The following CDYL2 variants were observed in gnomAD, a reference collection of about 807,000 sequenced individuals.
The protein encoded by CDYL2 is chromodomain Y-like protein 2.
In CDYL2, 23 loss-of-function variants were observed where a neutral mutation model predicts 49.4. The observed-to-expected ratio is 0.47, with a 90% CI of 0.34 to 0.66. The LOEUF is 0.66. Among genes scored for constraint, CDYL2 ranks in the 30% least tolerant of loss-of-function variants. The pLI is 0.01. For missense variants in CDYL2, 678 were observed against 656.4 expected (o/e 1.03, Z -0.36); for synonymous variants, 360 against 268.8 (o/e 1.34, Z -3.32).
rs185012695 is a variant in CDYL2 at position 80,762,078 on chromosome 16, C to T, written c.24+42072G>A. ...GTACACAACAGTAGTCCCAGGTACT[C>T]GGGAGGCTGAGGCAGGAGGATCACT... On this transcript the variant is annotated intron_variant, in intron 1 of 6. Coordinates refer to ENST00000570137, the MANE Select transcript of CDYL2 (RefSeq NM_152342.4). Among the ~76,000 whole-genome samples, 116 of 151,850 alleles carry T rather than the reference C, an allele frequency of 7.6e-4. 2 individuals are homozygous for T. Among genetic ancestry groups the T allele is most frequent in the South Asian group, 1.7e-3 (8 of 4,790 alleles).
intron 1 of CDYL2, among the ~76,000 whole-genome samples, chr16:80,725,340 T>A (rs556642683): frequency 6.6e-6 from 1 of 152,306 alleles, no homozygotes; most frequent in African/African-American, 2.4e-5. Flanking sequence ...ATTTGAGCAC[T>A]CTTTTCTATC....
At chr16:80,684,009 G>A (rs917064635) in intron 2 of CDYL2, among the ~76,000 whole-genome samples, 8 of 152,226 alleles carry the variant, frequency 5.3e-5, no homozygotes, top group African/African-American at 1.9e-4. Flanking sequence ...ATAGCAGAAG[G>A]ACAAGAGGCT....
intron 2 of CDYL2, among the ~76,000 whole-genome samples, chr16:80,651,711 T>C (rs935131692): frequency 1.3e-5 from 2 of 152,176 alleles, no homozygotes; most frequent in South Asian, 2.1e-4. Context: ...TACGGAAATA[T>C]GGTGCCGACA....
rs367917372 is a variant in CDYL2, at chr16:80,764,807, T to A, written c.24+39343A>T. Among the ~76,000 whole-genome samples, 67 of 152,110 alleles carry A rather than the reference T, an allele frequency of 4.4e-4. No homozygotes were observed. The Middle Eastern group carries it at 0.01, about 23-fold the overall frequency. ...TAGGCGCGGTGGCTCAAGCCTGTAA[T>A]CCCAGCACTTTGTGAGGCCGAGGCA... On this transcript the variant is annotated intron_variant, in intron 1 of 6. Transcript: ENST00000570137.
chr16:80,642,240 C>T lies in CDYL2; in HGVS notation c.617-9004G>A, dbSNP rs553702120. Among the ~76,000 whole-genome samples, 15 of 152,116 alleles carry T rather than the reference C, an allele frequency of 9.9e-5. 1 individual carries two copies. Among genetic ancestry groups the T allele is most frequent in the African/African-American group, 2.4e-4 (10 of 41,478 alleles). On this transcript the variant is annotated intron_variant, in intron 2 of 6. Coordinates refer to ENST00000570137, the MANE Select transcript of CDYL2 (RefSeq NM_152342.4). The stretch of plus-strand genomic sequence containing the variant: ...GGTGCTTCACTTGAGGTCAGGAGTT[C>T]GTGACCAGACTGGCCAAAGTGATGA...
At chr16:80,715,180 C>T (rs969576906) in intron 1 of CDYL2, among the ~76,000 whole-genome samples, 2 of 152,126 alleles carry the variant, frequency 1.3e-5, no homozygotes, top group African/African-American at 4.8e-5. Context: ...CCATGTGGGT[C>T]AGGTCAGCAA....
chr16:80,764,856 C>G (rs758903946), intron 1 of CDYL2, among the ~76,000 whole-genome samples: 2 of 151,646 alleles, frequency 1.3e-5, no homozygotes, highest in Non-Finnish European at 2.9e-5. Context: ...GTCAGGAGAT[C>G]AAGACCATTC....
At chr16:80,738,495 A>G (rs1358646707) in intron 1 of CDYL2, among the ~76,000 whole-genome samples, 1 of 152,204 alleles carries the variant, frequency 6.6e-6, no homozygotes, top group African/African-American at 2.4e-5. Context: ...ATGCTAAGTG[A>G]AAAAAGCCAG....
chr16:80,734,087 G>A (rs1421528238), intron 1 of CDYL2, among the ~76,000 whole-genome samples: 2 of 152,106 alleles, frequency 1.3e-5, no homozygotes, highest in Non-Finnish European at 2.9e-5. Flanking sequence ...GTAATACCAA[G>A]ACCCCATACT....
intron 1 of CDYL2, among the ~76,000 whole-genome samples, chr16:80,707,541 C>A (rs1904447870): frequency 6.6e-6 from 1 of 152,150 alleles, no homozygotes; most frequent in Non-Finnish European, 1.5e-5. Context: ...CAGAGGGCTC[C>A]TTCTGGTTCG....
intron 1 of CDYL2, among the ~76,000 whole-genome samples, chr16:80,731,355 T>G (rs372606443): frequency 1.3e-5 from 2 of 151,984 alleles, no homozygotes; most frequent in African/African-American, 2.4e-5. Context: ...GCAAGAAATT[T>G]AGAGGACCAA....
At chr16:80,673,060 G>A (rs1172479432) in intron 2 of CDYL2, among the ~76,000 whole-genome samples, 1 of 152,196 alleles carries the variant, frequency 6.6e-6, no homozygotes, top group Non-Finnish European at 1.5e-5. Flanking sequence ...GCTCATGCCT[G>A]TAATCCCAGC....
intron 4 of CDYL2, among the ~76,000 whole-genome samples, chr16:80,615,293 T>C (rs1906779272): frequency 6.6e-6 from 1 of 152,172 alleles, no homozygotes; most frequent in Admixed American, 6.5e-5. Flanking sequence ...TGAAAGCAAT[T>C]TGGGGTCTGC....
chr16:80,707,143 TA>T (rs1475011343), intron 1 of CDYL2, among the ~76,000 whole-genome samples: 1 of 152,064 alleles, frequency 6.6e-6, no homozygotes, highest in Non-Finnish European at 1.5e-5. Context: ...CATTTCATGC[TA>T]AAAAAAGAAA....
intron 1 of CDYL2, among the ~76,000 whole-genome samples, chr16:80,773,382 G>C (rs547066072): frequency 1.1e-3 from 162 of 152,254 alleles, no homozygotes; most frequent in African/African-American, 3.5e-3. Context: ...AATCGGAACA[G>C]AGATTTTTCA....
At chr16:80,767,512 T>C (rs1247563254) in intron 1 of CDYL2, among the ~76,000 whole-genome samples, 2 of 152,174 alleles carry the variant, frequency 1.3e-5, no homozygotes, top group African/African-American at 2.4e-5. Context: ...AAAAATGAAA[T>C]GATCTAAATA....
chr16:80,606,899 A>G (rs1460887360), intron 6 of CDYL2, among the ~76,000 whole-genome samples: 1 of 152,156 alleles, frequency 6.6e-6, no homozygotes, highest in African/African-American at 2.4e-5. Context: ...GCCTTCCGCC[A>G]TGATTGTGAG....
chr16:80,737,550 T>C (rs946016069), intron 1 of CDYL2, among the ~76,000 whole-genome samples: 7 of 152,188 alleles, frequency 4.6e-5, no homozygotes, highest in Non-Finnish European at 7.3e-5. Context: ...TACCAGCTGT[T>C]GCCTGGACTG....
In CDYL2 at chr16:80,706,535, G is replaced by C. The variant is rs376840924; in HGVS notation, c.25-21406C>G. Among the ~76,000 whole-genome samples, 3 of 152,184 alleles carry C rather than the reference G, an allele frequency of 2.0e-5. No individual in the cohort carries two copies. In the East Asian group the frequency reaches 5.8e-4, roughly 29 times the overall value. On this transcript the variant is annotated intron_variant, in intron 1 of 6. Transcript: ENST00000570137. The stretch of plus-strand genomic sequence containing the variant: ...CAGGGATCAAATAAGTTAATGTTTG[G>C]AAGGAATTCATGACTGAGGCTGGCT...
Sources: allele counts gnomAD v4.1 joint callset (sites outside exome capture counted in the v4.1 genomes callset), GRCh38; gene constraint gnomAD v4.1.1; transcripts MANE v1.5; gene names NCBI Gene and HGNC (gene_info 2026-07-23, HGNC 2026-07-21).